Variants in MASP2 observed in about 807,000 individuals in gnomAD.
MASP2 encodes the protein mannan-binding lectin serine protease 2.
MASP2 carries 49 observed loss-of-function variants against 57.1 expected under a neutral mutation model. That is an observed-to-expected ratio of 0.86 (90% CI 0.68 to 1.09). MASP2 has a LOEUF of 1.09. MASP2 is among the 50% of genes least tolerant of loss of function. The pLI is 0.00. For missense variants in MASP2, 900 were observed against 874.8 expected (o/e 1.03, Z -0.36); for synonymous variants, 379 against 340.8 (o/e 1.11, Z -1.24).
chr1:11,045,043 C>A, intron 4 of MASP2: 1 of 1,264,636 alleles, frequency 7.9e-7, no homozygotes, highest in Non-Finnish European at 1.1e-6. Context: ...GGTGGGGCTG[C>A]CCACGCCCCA....
intron 3 of MASP2, 127 bp from the exon 4 acceptor site, chr1:11,045,666 G>A (rs1423543039): frequency 1.4e-5 from 15 of 1,091,720 alleles, no homozygotes; most frequent in East Asian, 1.0e-4. Context: ...TCTAGGGTGC[G>A]GGACTGGTGC....
intron 9 of MASP2, 55 bp downstream of exon 9, chr1:11,030,693 A>G: frequency 6.5e-7 from 1 of 1,533,096 alleles, no homozygotes; most frequent in Non-Finnish European, 8.7e-7. Flanking sequence ...TTTTCAGACC[A>G]TGGGGGCTCA....
chr1:11,031,478 A>G lies in MASP2; in HGVS notation c.1088-596T>C, dbSNP rs545269775. Among the ~76,000 whole-genome samples, 48 of 137,358 alleles carry G rather than the reference A, an allele frequency of 3.5e-4. 1 individual carries two copies. The South Asian group carries it at 0.01, about 29-fold the overall frequency. 90.1% of individuals were successfully genotyped at this position (137,358 alleles called of 152,430 possible). ...CGGGAGGCGGAGCTTGCAGAGAGCCAAGATGGCACCACTTCACTCCAGCCT... is the reference window on the plus strand; with the variant it reads ...CGGGAGGCGGAGCTTGCAGAGAGCCGAGATGGCACCACTTCACTCCAGCCT... On this transcript the variant is annotated intron_variant, in intron 8 of 10. Transcript: ENST00000400897.
At chr1:11,046,508 A>G in intron 3 of MASP2, 48 bp downstream of exon 3, 1 of 1,606,138 alleles carries the variant, frequency 6.2e-7, no homozygotes. Flanking sequence ...AGTTACCCCC[A>G]CAGCCAGCTG....
chr1:11,041,602 G>A lies in MASP2; in HGVS notation c.889+1273C>T, dbSNP rs1475094014. Among the ~76,000 whole-genome samples the A allele has an allele frequency of 4.0e-5, 5 of 125,926 alleles. No individual in the cohort carries two copies. The Admixed American group carries it at 4.0e-4, about 10-fold the overall frequency. The allele number at this position is 125,926 out of a possible 152,430, so 82.6% of individuals were successfully genotyped here. A position where few individuals can be genotyped will look rare whatever the true frequency, so the allele number is the denominator to read the frequency against. On this transcript the variant is annotated intron_variant, in intron 6 of 10. Transcript: ENST00000400897. The stretch of plus-strand genomic sequence containing the variant: ...TGGGTGGGTGGGTGGATGGATGGTG[G>A]ATGGATGGATGGATGGATGGATGGA...
chr1:11,046,117 A>G (rs1377604421), intron 3 of MASP2: 8 of 276,732 alleles, frequency 2.9e-5, no homozygotes, highest in South Asian at 2.3e-4. Context: ...GGTTCAAGCA[A>G]TTCTCCTGCC....
chr1:11,045,527 C>T lies in MASP2; in HGVS notation c.425G>A (p.Cys142Tyr). 2 of 1,607,364 alleles carry T rather than the reference C, an allele frequency of 1.2e-6. No individual in the cohort carries two copies. The highest frequency in any genetic ancestry group is 1.7e-6 in the Non-Finnish European group (2 of 1,178,198). The change falls in exon 4 of 11, where the codon TGC (cysteine) becomes TAC (tyrosine). Residue 142 changes from cysteine to tyrosine, a missense_variant. Physicochemically the swap from Cys to Tyr is radical, Grantham distance 194. Transcript: ENST00000400897. ...AFYAAEDIDE[C>Y]QVAPGEAPTC... is the part of the protein sequence containing the mutation. Reference sequence around the variant, plus strand: ...GGGCGCCTCTCCCGGGGCCACCTGGCACTCGTCAATGTCTGGGGGAGAGGC... The same window carrying T: ...GGGCGCCTCTCCCGGGGCCACCTGGTACTCGTCAATGTCTGGGGGAGAGGC...
chr1:11,045,964 A>G, intron 3 of MASP2: 1 of 207,508 alleles, frequency 4.8e-6, no homozygotes, highest in Non-Finnish European at 9.8e-6. Flanking sequence ...TCCCGCTGGC[A>G]GGGCCCCACT....
rs1638568365 is a variant in MASP2, at chr1:11,044,674, C to A, written c.544+734G>T. The A allele has an allele frequency of 4.4e-6, 4 of 899,966 alleles. No individual in the cohort carries two copies. In the South Asian group the frequency reaches 5.3e-5, roughly 12 times the overall value. The allele number at this position is 899,966 out of a possible 1,614,324, so 55.7% of individuals were successfully genotyped here. On this transcript the variant is annotated intron_variant, in intron 4 of 10. Transcript: ENST00000400897. ...CAAAACGGGGGGTGAGGCCAAGGAGCCTGTGGCCCCATGGAGGAGGCTCCC... is the reference window on the plus strand; with the variant it reads ...CAAAACGGGGGGTGAGGCCAAGGAGACTGTGGCCCCATGGAGGAGGCTCCC...
intron 8 of MASP2, among the ~76,000 whole-genome samples, chr1:11,033,086 T>G (rs529702795): frequency 3.9e-5 from 6 of 152,202 alleles, no homozygotes; most frequent in African/African-American, 1.4e-4. Context: ...CCCAGCACTT[T>G]GGGAAGCCAA....
rs1211745186 is a variant in MASP2 at position 11,036,542 on chromosome 1, A to AC, written c.1008+1150_1008+1151insG. On this transcript the variant is annotated intron_variant, in intron 7 of 10. Coordinates refer to ENST00000400897, the MANE Select transcript of MASP2 (RefSeq NM_006610.4). ...AAAAAAAAAAAAAAAAAAAAACAAA[A>AC]AAAAAAGAAACTAAAGAAGTCTGTG... Among the ~76,000 whole-genome samples, 115 of 147,900 alleles carry AC rather than the reference A, an allele frequency of 7.8e-4. 3 individuals carry two copies. The highest frequency in any genetic ancestry group is 2.7e-3 in the African/African-American group (109 of 39,968).
At chr1:11,027,669 G>A (rs200219858) in intron 10 of MASP2, 21 bp from the exon 11 acceptor site, 7 of 1,555,656 alleles carry the variant, frequency 4.5e-6, no homozygotes, top group Non-Finnish European at 8.7e-7. Context: ...AAGCAGATAG[G>A]TAGAGAGCCT....
chr1:11,039,175 G>A (rs1638338107), intron 6 of MASP2, among the ~76,000 whole-genome samples: 1 of 152,236 alleles, frequency 6.6e-6, no homozygotes, highest in African/African-American at 2.4e-5. Flanking sequence ...ATTGCCCAGT[G>A]CTTGGCTCTA....
At position 11,044,751 on chromosome 1, in the gene MASP2, C is replaced by T. The variant is rs115832604; in HGVS notation, c.544+657G>A. On this transcript the variant is annotated intron_variant, in intron 4 of 10. Coordinates refer to ENST00000400897, the MANE Select transcript of MASP2 (RefSeq NM_006610.4). ...AGGAGGGTAGGCAGAGAGGAGCGCA[C>T]CCCGCCGCCTCCCGACCCTCCCACC... 1,987 of 1,468,912 alleles carry T rather than the reference C, an allele frequency of 1.4e-3. 33 individuals are homozygous for T. The African/African-American group carries it at 0.025, about 19-fold the overall frequency. The allele number at this position is 1,468,912 out of a possible 1,614,324, so 91.0% of individuals were successfully genotyped here.
intron 6 of MASP2, among the ~76,000 whole-genome samples, chr1:11,039,328 T>TGGTG (rs1638341970): frequency 6.8e-6 from 1 of 146,374 alleles, no homozygotes; most frequent in Non-Finnish European, 1.5e-5. Flanking sequence ...GATGGAAGGA[T>TGGTG]GGTGGATGGA....
intron 8 of MASP2, among the ~76,000 whole-genome samples, chr1:11,031,160 G>A (rs998657673): frequency 6.6e-6 from 1 of 152,052 alleles, no homozygotes; most frequent in Non-Finnish European, 1.5e-5. Flanking sequence ...AGGAAGAGGT[G>A]TGCTGCCTTT....
chr1:11,026,769 G>A lies in MASP2; in HGVS notation c.*116C>T, dbSNP rs2100865655. The A allele has an allele frequency of 4.8e-6, 4 of 839,750 alleles. No homozygotes were observed. The highest frequency in any genetic ancestry group is 6.8e-6 in the Non-Finnish European group (4 of 584,164). 52.0% of individuals were successfully genotyped at this position (839,750 alleles called of 1,614,324 possible). On this transcript the variant is annotated 3_prime_UTR_variant, in exon 11 of 11. Coordinates refer to ENST00000400897, the MANE Select transcript of MASP2 (RefSeq NM_006610.4). ...CCTCACCTGGAGTCTGTTTTTTTGG[G>A]TGGAGCAACAACTGCCATGTCCACA...
Position 11,046,665 on chromosome 1 carries a change from AG to A in MASP2, c.302del (p.Pro101LeufsTer174). 3.1e-6 allele frequency: 5 copies of A among 1,613,564 alleles called. No individual in the cohort carries two copies. Among genetic ancestry groups the A allele is most frequent in the Non-Finnish European group, 4.2e-6 (5 of 1,180,012 alleles). On this transcript the variant is annotated frameshift_variant, in exon 3 of 11. Transcript: ENST00000400897. LOFTEE classifies it high-confidence loss of function. ...GQESTDTERAPGKDTFYSLGS... is the reference protein window; with the variant it reads ...GQESTDTERAXGKDTFYSLGS... ...CCAGCGAGTAGAAAGTGTCCTTGCC[AG>A]GGGCCCGCTCCGTGTCTGTGCTCTC... is the stretch of plus-strand genomic sequence containing the variant.
chr1:11,043,324 G>A lies in MASP2; in HGVS notation c.741+15C>T, dbSNP rs746782434. 4.4e-6 allele frequency: 7 copies of A among 1,594,366 alleles called. No individual in the cohort carries two copies. The highest frequency in any genetic ancestry group is 6.0e-6 in the Non-Finnish European group (7 of 1,169,632). On this transcript the variant is annotated intron_variant, in intron 5 of 10. Coordinates refer to ENST00000400897, the MANE Select transcript of MASP2 (RefSeq NM_006610.4). ...GGGAGGATCTGGGACAAGATGAGGG[G>A]CCCAGGAGCCAGACCTTGAGAAAGT... is the stretch of plus-strand genomic sequence containing the variant.
Sources: allele counts gnomAD v4.1 joint callset (sites outside exome capture counted in the v4.1 genomes callset), GRCh38; gene constraint gnomAD v4.1.1; transcripts MANE v1.5; gene names NCBI Gene and HGNC (gene_info 2026-07-23, HGNC 2026-07-21).